The following PRIM2 variants were observed in gnomAD, a reference collection of about 807,000 sequenced individuals.
PRIM2 encodes DNA primase subunit 2.
In PRIM2, 39 loss-of-function variants were observed where a neutral mutation model predicts 67.3. The observed-to-expected ratio is 0.58, with a 90% CI of 0.45 to 0.76. PRIM2 has a LOEUF of 0.76. Among genes scored for constraint, PRIM2 ranks in the 30% least tolerant of loss-of-function variants. The pLI, the probability that PRIM2 is intolerant of heterozygous loss-of-function variation, is 0.00. For missense variants in PRIM2, 398 were observed against 598.7 expected (o/e 0.66, Z 3.50); for synonymous variants, 143 against 198.7 (o/e 0.72, Z 2.36).
At chr6:57,351,811 T>C (rs1768865446) in intron 5 of PRIM2, among the ~76,000 whole-genome samples, 1 of 152,102 alleles carries the variant, frequency 6.6e-6, no homozygotes, top group Admixed American at 6.5e-5. Flanking sequence ...CAGAAAATAG[T>C]ATTTGCAACT....
chr6:57,388,959 G>C (rs1770238075), intron 7 of PRIM2, among the ~76,000 whole-genome samples: 1 of 152,054 alleles, frequency 6.6e-6, no homozygotes, highest in Non-Finnish European at 1.5e-5. Context: ...AGCTGAGCTT[G>C]GTTTCCATAC....
chr6:57,340,133 A>G (rs1768418776), intron 5 of PRIM2, among the ~76,000 whole-genome samples: 3 of 152,220 alleles, frequency 2.0e-5, no homozygotes, highest in Admixed American at 2.0e-4. Context: ...CATCAGAGAA[A>G]TGCAAATCAA....
At chr6:57,301,688 A>G in the PRIM2 span, among the ~76,000 whole-genome samples, 1 of 152,266 alleles carries the variant, frequency 6.6e-6, no homozygotes, top group East Asian at 1.9e-4. Context: ...ATGGTGGTGC[A>G]TGCCTGTAAT....
intron 10 of PRIM2, among the ~76,000 whole-genome samples, chr6:57,582,007 T>A (rs1466048427): frequency 6.6e-6 from 1 of 152,240 alleles, no homozygotes; most frequent in African/African-American, 2.4e-5. Context: ...GCTAATTTTT[T>A]AAATTTTTTG....
At chr6:57,437,691 G>C (rs1406315203) in intron 7 of PRIM2, among the ~76,000 whole-genome samples, 1 of 148,438 alleles carries the variant, frequency 6.7e-6, no homozygotes, top group African/African-American at 2.5e-5. Flanking sequence ...TTTAAGACAG[G>C]GTCTTACTCT....
chr6:57,603,199 T>C (rs1776501292), intron 11 of PRIM2, among the ~76,000 whole-genome samples: 1 of 152,228 alleles, frequency 6.6e-6, no homozygotes, highest in Admixed American at 6.5e-5. Context: ...TCTTAGGTAT[T>C]GTATTTTGTT....
chr6:57,337,989 G>A (rs1768320535), intron 5 of PRIM2, among the ~76,000 whole-genome samples: 2 of 151,796 alleles, frequency 1.3e-5, no homozygotes, highest in African/African-American at 4.9e-5. Flanking sequence ...AAAGAGAGAG[G>A]AATCAAATAG....
At chr6:57,268,879 C>A in the PRIM2 span, among the ~76,000 whole-genome samples, 5 of 147,752 alleles carry the variant, frequency 3.4e-5, no homozygotes, top group African/African-American at 1.0e-4. Flanking sequence ...TGAGAACATG[C>A]GGTGTTTGGT....
chr6:57,551,337 A>T (rs1775397372), intron 10 of PRIM2, among the ~76,000 whole-genome samples: 2 of 152,214 alleles, frequency 1.3e-5, no homozygotes, highest in African/African-American at 4.8e-5. Flanking sequence ...CTAGATGGTT[A>T]CTGTTCTGTA....
chr6:57,616,271 C>A (rs1375034339), intron 12 of PRIM2, among the ~76,000 whole-genome samples: 1 of 152,166 alleles, frequency 6.6e-6, no homozygotes, highest in African/African-American at 2.4e-5. Flanking sequence ...TGATTCCCAC[C>A]ACTACATTAT....
chr6:57,637,286 C>G (rs1451189719), intron 13 of PRIM2, among the ~76,000 whole-genome samples: 23 of 151,868 alleles, frequency 1.5e-4, no homozygotes, highest in Admixed American at 1.2e-3. Flanking sequence ...GTAGATAAAT[C>G]ACAAAGACTG....
the PRIM2 span, among the ~76,000 whole-genome samples, chr6:57,237,976 A>G: frequency 1.3e-5 from 2 of 152,314 alleles, no homozygotes; most frequent in South Asian, 4.2e-4. Flanking sequence ...AGGCCATTAC[A>G]TAATGGTAAA....
At chr6:57,631,879 T>C (rs1582029366) in intron 12 of PRIM2, among the ~76,000 whole-genome samples, 2 of 152,328 alleles carry the variant, frequency 1.3e-5, no homozygotes, top group East Asian at 1.9e-4. Flanking sequence ...GGTAAAGTTA[T>C]TAAAATGTAC....
At chr6:57,293,433 C>T in the PRIM2 span, among the ~76,000 whole-genome samples, 1 of 152,290 alleles carries the variant, frequency 6.6e-6, no homozygotes, top group East Asian at 1.9e-4. Context: ...TGTGGCAATT[C>T]CTCAAGGATC....
At chr6:57,389,212 C>T (rs1014937040) in intron 7 of PRIM2, among the ~76,000 whole-genome samples, 5 of 152,124 alleles carry the variant, frequency 3.3e-5, no homozygotes, top group Admixed American at 6.5e-5. Context: ...TCAAGCAGTC[C>T]GCCTGCCTTA....
At chr6:57,445,538 G>A (rs939406062) in intron 7 of PRIM2, among the ~76,000 whole-genome samples, 1 of 151,870 alleles carries the variant, frequency 6.6e-6, no homozygotes, top group African/African-American at 2.4e-5. Context: ...TTGTTCCTTT[G>A]CCACTGCACC....
intron 7 of PRIM2, among the ~76,000 whole-genome samples, chr6:57,454,853 C>A (rs370035649): frequency 6.6e-6 from 1 of 152,180 alleles, no homozygotes; most frequent in East Asian, 1.9e-4. Context: ...GCTCTTGCTT[C>A]TCTAGTTCTT....
chr6:57,223,377 G>A, the PRIM2 span, among the ~76,000 whole-genome samples: 1 of 152,102 alleles, frequency 6.6e-6, no homozygotes, highest in Non-Finnish European at 1.5e-5. Context: ...GGTTCTCTCC[G>A]TTGATTTTGG....
At chr6:57,494,696 A>G (rs1701395515) in intron 7 of PRIM2, among the ~76,000 whole-genome samples, 1 of 152,200 alleles carries the variant, frequency 6.6e-6, no homozygotes, top group African/African-American at 2.4e-5. Context: ...AGGAAAATAA[A>G]AAGGAGATGG....
Sources: allele counts gnomAD v4.1 joint callset (sites outside exome capture counted in the v4.1 genomes callset), GRCh38; gene constraint gnomAD v4.1.1; transcripts MANE v1.5; gene names NCBI Gene and HGNC (gene_info 2026-07-23, HGNC 2026-07-21).